LRP1B: variants seen among roughly 807,000 people sequenced by gnomAD.
LRP1B encodes the protein LDL receptor related protein 1B.
Under a neutral mutation model 556.6 loss-of-function variants are expected in LRP1B, and 217 were observed. That is an observed-to-expected ratio of 0.39 (90% CI 0.35 to 0.44). The LOEUF (loss-of-function observed/expected upper bound fraction) is 0.44, where lower values mean the gene tolerates loss of function less well. Ranked by LOEUF, LRP1B falls within the 20% of genes least tolerant of loss-of-function variation. The probability of loss-of-function intolerance (pLI) is 1.00; values close to 1 mark genes in which losing one functional copy is unlikely to be tolerated. For missense variants in LRP1B, 5,053 were observed against 5,620.8 expected, an observed-to-expected ratio of 0.90 and a Z score of 3.23; for synonymous variants, 2,047 against 1,865.8, an observed-to-expected ratio of 1.10 and a Z score of -2.50.
chr2:140,821,292 G>A (rs981728276), intron 31 of LRP1B, among the ~76,000 whole-genome samples: 2 of 152,036 alleles, frequency 1.3e-5, no homozygotes, highest in Non-Finnish European at 2.9e-5. Flanking sequence ...ATGAGTAAAT[G>A]AATAATCAGA....
intron 27 of LRP1B, 52 bp from the exon 28 acceptor site, chr2:140,851,835 GA>G (rs1334426696): frequency 1.3e-6 from 2 of 1,533,198 alleles, no homozygotes; most frequent in Non-Finnish European, 1.8e-6. Context: ...ATGTATTAGG[GA>G]AGCTCTGAGG....
chr2:140,948,833 T>A (rs1463856292), intron 20 of LRP1B, among the ~76,000 whole-genome samples: 2 of 152,176 alleles, frequency 1.3e-5, no homozygotes, highest in Non-Finnish European at 2.9e-5. Flanking sequence ...AATTAAAAAA[T>A]CACACAATAT....
chr2:140,274,709 A>G, intron 84 of LRP1B, 111 bp from the exon 85 acceptor site: 1 of 830,360 alleles, frequency 1.2e-6, no homozygotes, highest in Non-Finnish European at 1.8e-6. Context: ...AGGTAGATTA[A>G]TTTACAAAAG....
At position 141,136,752 on chromosome 2, in the gene LRP1B, C is replaced by G. The variant is rs944138142; in HGVS notation, c.1013+51669G>C. ...AATTGCTATTAATGCCCTGAAACTG[C>G]CAATTAGGGAGGAGAAAGATATATG... On this transcript the variant is annotated intron_variant, in intron 7 of 90. Coordinates refer to ENST00000389484, the MANE Select transcript of LRP1B (RefSeq NM_018557.3). Among the ~76,000 whole-genome samples, 6 of 151,470 alleles carry G rather than the reference C, an allele frequency of 4.0e-5. No homozygotes were observed. The East Asian group carries it at 9.7e-4, about 24-fold the overall frequency.
intron 41 of LRP1B, among the ~76,000 whole-genome samples, chr2:140,633,368 TA>T (rs1683960753): frequency 6.6e-6 from 1 of 152,090 alleles, no homozygotes; most frequent in Non-Finnish European, 1.5e-5. Context: ...GCATATATTA[TA>T]AAACAAGAAA....
At chr2:141,707,776 A>G (rs568934405) in intron 2 of LRP1B, among the ~76,000 whole-genome samples, 11 of 152,180 alleles carry the variant, frequency 7.2e-5, no homozygotes, top group Non-Finnish European at 1.6e-4. Context: ...TGACTGCAAT[A>G]AAAGAGGCAG....
At chr2:141,093,834 C>A (rs1430253415) in intron 7 of LRP1B, among the ~76,000 whole-genome samples, 7 of 152,070 alleles carry the variant, frequency 4.6e-5, no homozygotes, top group Non-Finnish European at 8.8e-5. Context: ...CCTGTCTCAG[C>A]CTCCCAAGTA....
intron 23 of LRP1B, among the ~76,000 whole-genome samples, chr2:140,886,703 T>C (rs1395371483): frequency 6.6e-6 from 1 of 152,018 alleles, no homozygotes; most frequent in African/African-American, 2.4e-5. Context: ...TGGCTAAAAC[T>C]AACTTTGCTA....
intron 20 of LRP1B, among the ~76,000 whole-genome samples, chr2:140,929,715 T>C (rs1694991534): frequency 6.6e-6 from 1 of 151,060 alleles, no homozygotes; most frequent in South Asian, 2.1e-4. Flanking sequence ...ATCTATTTTA[T>C]CTGCTTGGAC....
chr2:140,456,639 G>A (rs1326509396), intron 61 of LRP1B, 36 bp from the exon 62 acceptor site: 1 of 1,575,286 alleles, frequency 6.3e-7, no homozygotes, highest in Admixed American at 1.8e-5. Flanking sequence ...AACAAAACAG[G>A]ATAATCAAGA....
chr2:141,139,283 T>C (rs1370016484), intron 7 of LRP1B, among the ~76,000 whole-genome samples: 1 of 151,802 alleles, frequency 6.6e-6, no homozygotes, highest in African/African-American at 2.4e-5. Context: ...TAAAACAAAA[T>C]CTTTATAACA....
intron 7 of LRP1B, among the ~76,000 whole-genome samples, chr2:141,072,897 CCT>C (rs1395236696): frequency 6.6e-6 from 1 of 152,026 alleles, no homozygotes; most frequent in Non-Finnish European, 1.5e-5. Context: ...AAGCAAGCAT[CCT>C]CTCTTTTTGT....
At chr2:141,650,148 C>A (rs764545566) in intron 2 of LRP1B, among the ~76,000 whole-genome samples, 3 of 152,124 alleles carry the variant, frequency 2.0e-5, no homozygotes, top group Non-Finnish European at 2.9e-5. Context: ...CCAATGCACT[C>A]CAGCCTGGGT....
chr2:141,377,808 C>T (rs1443927126), intron 3 of LRP1B, among the ~76,000 whole-genome samples: 4 of 152,048 alleles, frequency 2.6e-5, no homozygotes, highest in African/African-American at 7.2e-5. Flanking sequence ...TTTAGTATTA[C>T]CAACTGGCTT....
intron 4 of LRP1B, among the ~76,000 whole-genome samples, chr2:141,253,320 A>G (rs1012369037): frequency 1.3e-5 from 2 of 152,234 alleles, no homozygotes; most frequent in African/African-American, 4.8e-5. Context: ...TTAAAATGAC[A>G]TAATGACATG....
chr2:140,380,780 G>C (rs1683437010), intron 67 of LRP1B, among the ~76,000 whole-genome samples: 2 of 152,128 alleles, frequency 1.3e-5, no homozygotes, highest in Admixed American at 6.6e-5. Flanking sequence ...GCTATACAAA[G>C]GGTTGAAAGT....
intron 1 of LRP1B, among the ~76,000 whole-genome samples, chr2:141,944,475 T>C (rs1700899925): frequency 6.6e-6 from 1 of 152,104 alleles, no homozygotes; most frequent in African/African-American, 2.4e-5. Context: ...AATCTTGCCT[T>C]CCTACAGAAA....
rs1685395068 is a variant in LRP1B at position 141,544,307 on chromosome 2, C to CTTCTTCTTCTTCTTCTTCTT, written c.206-63794_206-63775dup. ...TAAGAAATTTACCACTCTTCTTCTT[C>CTTCTTCTTCTTCTTCTTCTT]TTCTTCTTCTTCTTCTTCTTCTTCT... On this transcript the variant is annotated intron_variant, in intron 2 of 90. Coordinates refer to ENST00000389484, the MANE Select transcript of LRP1B (RefSeq NM_018557.3). 5.3e-3 allele frequency among the ~76,000 whole-genome samples: 74 copies of CTTCTTCTTCTTCTTCTTCTT among 13,956 alleles called. 4 individuals are homozygous for CTTCTTCTTCTTCTTCTTCTT. In the South Asian group the frequency reaches 0.054, roughly 10 times the overall value. The allele number at this position is 13,956 out of a possible 152,430, so 9.2% of individuals were successfully genotyped here. A position where few individuals can be genotyped will look rare whatever the true frequency, so the allele number is the denominator to read the frequency against.
intron 1 of LRP1B, among the ~76,000 whole-genome samples, chr2:141,846,829 A>AT (rs1697662627): frequency 6.6e-6 from 1 of 151,420 alleles, no homozygotes; most frequent in African/African-American, 2.4e-5. Flanking sequence ...TAAAACCAGC[A>AT]TTTTTCTTAC....
Sources: allele counts gnomAD v4.1 joint callset (sites outside exome capture counted in the v4.1 genomes callset), GRCh38; gene constraint gnomAD v4.1.1; transcripts MANE v1.5; gene names NCBI Gene and HGNC (gene_info 2026-07-23, HGNC 2026-07-21).